Variants in TEAD4 observed in about 807,000 individuals in gnomAD.
The protein encoded by TEAD4 is transcriptional enhancer factor TEF-3.
In TEAD4, 36 loss-of-function variants were observed where a neutral mutation model predicts 52.4. The observed-to-expected ratio is 0.69, with a 90% CI of 0.53 to 0.91. The LOEUF is 0.91. TEAD4 is among the 40% of genes least tolerant of loss of function. The pLI is 0.00. For synonymous variants in TEAD4, 220 were observed against 231.0 expected (o/e 0.95, Z 0.43); for missense variants, 508 against 583.9 (o/e 0.87, Z 1.34).
chr12:3,000,700 C>G (rs2098251007), intron 3 of TEAD4, among the ~76,000 whole-genome samples: 1 of 152,140 alleles, frequency 6.6e-6, no homozygotes, highest in South Asian at 2.1e-4. Context: ...GAGCATCAGT[C>G]TAGAGGCGAG....
chr12:2,982,753 C>T (rs543684956), intron 2 of TEAD4, among the ~76,000 whole-genome samples: 1 of 152,324 alleles, frequency 6.6e-6, no homozygotes, highest in Admixed American at 6.5e-5. Flanking sequence ...GGATGACCTG[C>T]TGCCCTGCTT....
intron 4 of TEAD4, among the ~76,000 whole-genome samples, chr12:3,011,678 G>A (rs1342433695): frequency 6.6e-6 from 1 of 151,792 alleles, no homozygotes; most frequent in Admixed American, 6.6e-5. Context: ...CTTTTTTGTT[G>A]TTGTTGAGAC....
intron 9 of TEAD4, 97 bp from the exon 10 acceptor site, chr12:3,021,747 G>A: frequency 1.5e-6 from 2 of 1,349,758 alleles, no homozygotes; most frequent in Admixed American, 2.2e-5. Context: ...AGGCCAAGCG[G>A]CTTGCACCAG....
Position 3,020,687 on chromosome 12 carries a change from C to A in TEAD4, c.637C>A (p.Pro213Thr). Residue 213 changes from proline (P) to threonine (T), a missense_variant, in exon 9 of 13, where the codon CCA (proline) becomes ACA (threonine). Pro to Thr is a conservative substitution (Grantham distance 38). Transcript: ENST00000359864. ...ATCGCCCTCTGCGCCCCCGGCACCC[C>A]CATGGCAGGGCCGCAGCGTGGCCAG... 6.2e-7 allele frequency: 1 copy of A among 1,607,824 alleles called. No individual in the cohort carries two copies. Among genetic ancestry groups the A allele is most frequent in the Non-Finnish European group, 8.5e-7 (1 of 1,176,998 alleles).
intron 3 of TEAD4, among the ~76,000 whole-genome samples, chr12:2,997,467 A>AC (rs568772006): frequency 2.0e-5 from 3 of 151,874 alleles, no homozygotes; most frequent in East Asian, 3.9e-4. Flanking sequence ...AGCCTCTGGG[A>AC]CCCCCCGGGC....
chr12:3,008,388 A>G (rs2098257599), intron 3 of TEAD4, among the ~76,000 whole-genome samples: 1 of 152,186 alleles, frequency 6.6e-6, no homozygotes, highest in Admixed American at 6.5e-5. Flanking sequence ...TGGATCGGGT[A>G]GACTAGATCA....
intron 3 of TEAD4, among the ~76,000 whole-genome samples, chr12:3,007,356 G>T (rs147569501): frequency 2.6e-5 from 4 of 152,308 alleles, no homozygotes; most frequent in Admixed American, 6.5e-5. Flanking sequence ...AAGCATCCTC[G>T]CTTGGCCAGG....
chr12:3,015,520 G>A (rs1157299780), intron 5 of TEAD4, among the ~76,000 whole-genome samples: 1 of 152,250 alleles, frequency 6.6e-6, no homozygotes, highest in South Asian at 2.1e-4. Context: ...GGATGGCGGG[G>A]GAGCACTGAG....
intron 2 of TEAD4, among the ~76,000 whole-genome samples, chr12:2,990,049 C>T (rs2098241772): frequency 6.6e-6 from 1 of 152,270 alleles, no homozygotes; most frequent in Middle Eastern, 3.4e-3. Context: ...TCTTTACTGT[C>T]ATTTAAAAAA....
intron 2 of TEAD4, among the ~76,000 whole-genome samples, chr12:2,974,788 G>A (rs1444056252): frequency 3.3e-5 from 5 of 152,074 alleles, no homozygotes; most frequent in Non-Finnish European, 7.4e-5. Context: ...GCTGACCCTC[G>A]GGTTCTGACA....
At chr12:2,999,031 G>A (rs1018731469) in intron 3 of TEAD4, among the ~76,000 whole-genome samples, 1 of 152,192 alleles carries the variant, frequency 6.6e-6, no homozygotes, top group Admixed American at 6.5e-5. Flanking sequence ...ACTGATGGAG[G>A]GCTCTCAGCA....
intron 2 of TEAD4, among the ~76,000 whole-genome samples, chr12:2,986,219 G>C (rs932918127): frequency 1.3e-5 from 2 of 152,216 alleles, no homozygotes; most frequent in African/African-American, 4.8e-5. Context: ...GTTTGGGGCA[G>C]TAACTCGCAT....
intron 3 of TEAD4, among the ~76,000 whole-genome samples, chr12:2,999,213 C>T (rs895855581): frequency 6.6e-5 from 10 of 152,144 alleles, no homozygotes; most frequent in Non-Finnish European, 1.5e-4. Context: ...GGGGCATCTG[C>T]GCTTCCCATC....
At chr12:3,010,105 A>G (rs563695754) in intron 3 of TEAD4, among the ~76,000 whole-genome samples, 1 of 152,270 alleles carries the variant, frequency 6.6e-6, no homozygotes, top group South Asian at 2.1e-4. Context: ...GCTTCTCCGT[A>G]TGGTTTAACA....
intron 3 of TEAD4, among the ~76,000 whole-genome samples, chr12:3,007,496 G>A (rs915542053): frequency 6.6e-6 from 1 of 152,172 alleles, no homozygotes; most frequent in Non-Finnish European, 1.5e-5. Context: ...GGGAGGAGGT[G>A]GATTTACTGT....
rs1363009944 is a variant in TEAD4, at chr12:2,992,470, G to A, written c.-29-2268G>A. 4.6e-5 allele frequency among the ~76,000 whole-genome samples: 7 copies of A among 152,204 alleles called. No individual in the cohort carries two copies. The East Asian group carries it at 1.2e-3, about 25-fold the overall frequency. On this transcript the variant is annotated intron_variant, in intron 2 of 12. Coordinates refer to ENST00000359864, the MANE Select transcript of TEAD4 (RefSeq NM_003213.4). Reference sequence around the variant, plus strand: ...CTCGATCCTCACCCCCTCCCTCACAGTGCCTCTCTGTGAAGGAAATTGTCC... The same window carrying A: ...CTCGATCCTCACCCCCTCCCTCACAATGCCTCTCTGTGAAGGAAATTGTCC...
intron 3 of TEAD4, among the ~76,000 whole-genome samples, chr12:2,999,195 C>A (rs1055714148): frequency 2.6e-5 from 4 of 152,128 alleles, no homozygotes; most frequent in African/African-American, 7.2e-5. Context: ...GTCTTCTCAT[C>A]TTCCCTTGGG....
intron 2 of TEAD4, among the ~76,000 whole-genome samples, chr12:2,988,348 A>G (rs1591567747): frequency 6.6e-6 from 1 of 151,790 alleles, no homozygotes; most frequent in African/African-American, 2.4e-5. Flanking sequence ...CCCCGTCCCT[A>G]CTAAAAATAC....
chr12:3,011,738 T>C (rs2098260513), intron 4 of TEAD4, among the ~76,000 whole-genome samples: 1 of 152,170 alleles, frequency 6.6e-6, no homozygotes, highest in Non-Finnish European at 1.5e-5. Context: ...CAATCTCAAC[T>C]CACTGCAACC....
Sources: allele counts gnomAD v4.1 joint callset (sites outside exome capture counted in the v4.1 genomes callset), GRCh38; gene constraint gnomAD v4.1.1; transcripts MANE v1.5; gene names NCBI Gene and HGNC (gene_info 2026-07-23, HGNC 2026-07-21).